Variants in MPP7 observed in about 807,000 individuals in gnomAD.
MPP7 encodes the protein MAGUK p55 subfamily member 7.
A neutral mutation model predicts 76.5 loss-of-function variants in MPP7; 60 were observed. That is an observed-to-expected ratio of 0.78 (90% CI 0.64 to 0.97). The LOEUF (loss-of-function observed/expected upper bound fraction) is 0.97, where lower values mean the gene tolerates loss of function less well. Ranked by LOEUF, MPP7 falls within the 50% of genes least tolerant of loss-of-function variation. The pLI, the probability that MPP7 is intolerant of heterozygous loss-of-function variation, is 0.00. For missense variants in MPP7, 641 were observed against 694.0 expected (o/e 0.92, Z 0.86); for synonymous variants, 237 against 244.5 (o/e 0.97, Z 0.29).
At chr10:28,168,524 T>C (rs1041237402) in intron 3 of MPP7, among the ~76,000 whole-genome samples, 1 of 151,740 alleles carries the variant, frequency 6.6e-6, no homozygotes, top group African/African-American at 2.4e-5. Flanking sequence ...CTCACCTTCT[T>C]TTTTTTTGTT....
intron 5 of MPP7, among the ~76,000 whole-genome samples, chr10:28,138,480 G>A (rs1213353553): frequency 2.0e-5 from 3 of 151,980 alleles, no homozygotes; most frequent in Non-Finnish European, 2.9e-5. Context: ...CTTTTATACT[G>A]CATTTATTTT....
chr10:28,206,915 C>T (rs925266527), intron 2 of MPP7, among the ~76,000 whole-genome samples: 4 of 152,024 alleles, frequency 2.6e-5, no homozygotes, highest in African/African-American at 9.7e-5. Flanking sequence ...TTCTTTGCAA[C>T]GTTTTTTTTC....
Position 28,058,602 on chromosome 10 carries a change from A to G in MPP7, c.1300T>C (p.Phe434Leu), listed in dbSNP as rs758113314. ...TTTTTATATTCTCCATATTCAATAA[A>G]CCTGTAAAAAATTAAATGCATTGGA... ...LFETDVQNNK[F>L]IEYGEYKNNY... The change falls in exon 15 of 17, where the codon TTT becomes CTT. Residue 434 changes from phenylalanine to leucine, a missense_variant and splice_region_variant. By Grantham distance (22) the Phe-to-Leu change is conservative. Coordinates refer to ENST00000683449, the MANE Select transcript of MPP7 (RefSeq NM_001318170.2). The G allele has an allele frequency of 1.3e-6, 2 of 1,535,042 alleles. No individual in the cohort carries two copies. Among genetic ancestry groups the G allele is most frequent in the South Asian group, 1.2e-5 (1 of 83,712 alleles).
At chr10:28,237,449 A>G (rs1415236169) in intron 2 of MPP7, among the ~76,000 whole-genome samples, 1 of 152,198 alleles carries the variant, frequency 6.6e-6, no homozygotes, top group Non-Finnish European at 1.5e-5. Flanking sequence ...CGAATCCTCA[A>G]TGTAAATCAC....
intron 5 of MPP7, among the ~76,000 whole-genome samples, chr10:28,136,446 T>A (rs1002144343): frequency 6.6e-6 from 1 of 151,890 alleles, no homozygotes; most frequent in Non-Finnish European, 1.5e-5. Context: ...TGACTCAAAA[T>A]TACTAGGTAT....
At chr10:28,300,173 G>T (rs1376557399) in intron 1 of MPP7, among the ~76,000 whole-genome samples, 1 of 152,028 alleles carries the variant, frequency 6.6e-6, no homozygotes, top group African/African-American at 2.4e-5. Context: ...TTATAACAAG[G>T]AAAAACAAAA....
chr10:28,286,137 G>A (rs188918367), intron 1 of MPP7, among the ~76,000 whole-genome samples: 1 of 152,222 alleles, frequency 6.6e-6, no homozygotes, highest in East Asian at 1.9e-4. Context: ...AAGGTCAGGA[G>A]TTCGAGACCA....
chr10:28,252,175 T>C (rs1430185563), intron 1 of MPP7, among the ~76,000 whole-genome samples: 7 of 152,240 alleles, frequency 4.6e-5, no homozygotes, highest in Admixed American at 6.5e-5. Flanking sequence ...CAAAGTACTA[T>C]GTCAGGGGTA....
intron 1 of MPP7, among the ~76,000 whole-genome samples, chr10:28,274,222 C>T (rs1469487464): frequency 4.0e-5 from 6 of 150,914 alleles, no homozygotes. Context: ...CCTGCCTCAG[C>T]CTCCCGAGTA....
chr10:28,156,521 T>C (rs1277042093), intron 3 of MPP7, among the ~76,000 whole-genome samples: 1 of 152,196 alleles, frequency 6.6e-6, no homozygotes, highest in African/African-American at 2.4e-5. Flanking sequence ...CTATTGACAT[T>C]TCTTCAAAAA....
chr10:28,202,355 A>T, intron 2 of MPP7, 84 bp from the exon 3 acceptor site: 1 of 861,730 alleles, frequency 1.2e-6, no homozygotes, highest in Non-Finnish European at 1.8e-6. Context: ...TGACAGCTGG[A>T]ACATGCCAAT....
intron 1 of MPP7, among the ~76,000 whole-genome samples, chr10:28,252,889 T>A (rs1459976244): frequency 6.6e-6 from 1 of 151,818 alleles, no homozygotes; most frequent in Admixed American, 6.6e-5. Flanking sequence ...CTAGAAAGGG[T>A]CTTTTCTCAT....
chr10:28,136,234 A>G (rs1835350488), intron 5 of MPP7, among the ~76,000 whole-genome samples: 1 of 152,068 alleles, frequency 6.6e-6, no homozygotes, highest in South Asian at 2.1e-4. Flanking sequence ...ATAGAAATAA[A>G]GTACACAACA....
At chr10:28,151,563 G>A (rs1347207845) in intron 3 of MPP7, among the ~76,000 whole-genome samples, 1 of 152,140 alleles carries the variant, frequency 6.6e-6, no homozygotes, top group Admixed American at 6.5e-5. Context: ...AATAAACATA[G>A]AGACTTATTA....
chr10:28,296,931 G>T (rs1367201357), intron 1 of MPP7, among the ~76,000 whole-genome samples: 1 of 151,936 alleles, frequency 6.6e-6, no homozygotes, highest in African/African-American at 2.4e-5. Context: ...GAGCTAAGCC[G>T]CAGTTTACAT....
intron 1 of MPP7, among the ~76,000 whole-genome samples, chr10:28,257,997 G>A (rs1839839546): frequency 1.3e-5 from 2 of 152,176 alleles, no homozygotes; most frequent in African/African-American, 2.4e-5. Context: ...ACAGTCCTGT[G>A]CTGACACCTT....
intron 1 of MPP7, among the ~76,000 whole-genome samples, chr10:28,268,530 G>A (rs1249290887): frequency 2.0e-5 from 3 of 152,076 alleles, no homozygotes; most frequent in African/African-American, 7.2e-5. Context: ...TAAGGAGTTC[G>A]AGACCAGCCT....
At chr10:28,185,549 G>A (rs1837208434) in intron 3 of MPP7, among the ~76,000 whole-genome samples, 1 of 152,120 alleles carries the variant, frequency 6.6e-6, no homozygotes, top group South Asian at 2.1e-4. Context: ...TTGATGTGAA[G>A]GAATCATGGA....
upstream of MPP7, among the ~76,000 whole-genome samples, chr10:28,303,110 GGCGGGGCTGCACCGCCCGCGGGTAA>G (rs1841207515): frequency 6.7e-6 from 1 of 150,144 alleles, no homozygotes; most frequent in Non-Finnish European, 1.5e-5. Context: ...GGAGGGGCGG[GGCGGGGCTGCACCGCCCGCGGGTAA>G]GAGGGGCCTG....
Sources: allele counts gnomAD v4.1 joint callset (sites outside exome capture counted in the v4.1 genomes callset), GRCh38; gene constraint gnomAD v4.1.1; transcripts MANE v1.5; gene names NCBI Gene and HGNC (gene_info 2026-07-23, HGNC 2026-07-21).